The following AQR variants were observed in gnomAD, a reference collection of about 807,000 sequenced individuals.
AQR encodes the protein aquarius intron-binding spliceosomal factor, also known as RNA helicase aquarius.
Under a neutral mutation model 180.5 loss-of-function variants are expected in AQR, and 61 were observed. The observed-to-expected ratio is 0.34, with a 90% CI of 0.28 to 0.42. The LOEUF is 0.42. Ranked by LOEUF, AQR falls within the 10% of genes least tolerant of loss-of-function variation. AQR has a pLI of 1.00. For missense variants in AQR, 1,281 were observed against 1,798.3 expected (o/e 0.71, Z 5.20); for synonymous variants, 551 against 588.8 (o/e 0.94, Z 0.93).
chr15:34,943,661 G>T (rs1255594533), intron 6 of AQR, among the ~76,000 whole-genome samples: 3 of 152,008 alleles, frequency 2.0e-5, no homozygotes, highest in Non-Finnish European at 2.9e-5. Flanking sequence ...GGGTGTAAGT[G>T]AATTATCAAT....
In AQR at chr15:34,906,718, A is replaced by G. The variant is rs375575125; in HGVS notation, c.1664-6T>C. ...TACATCATGCTTACGAAGACCTGGT[A>G]AGATATAAAGACATTTTCATTTATT... is the stretch of plus-strand genomic sequence containing the variant. On this transcript the variant is annotated splice_region_variant and splice_polypyrimidine_tract_variant and intron_variant, in intron 17 of 34. Coordinates refer to ENST00000156471, the MANE Select transcript of AQR (RefSeq NM_014691.3). 5.6e-6 allele frequency: 9 copies of G among 1,600,572 alleles called. No homozygotes were observed. Among genetic ancestry groups the G allele is most frequent in the Non-Finnish European group, 7.7e-6 (9 of 1,174,662 alleles).
chr15:34,899,669 C>T (rs1351259897), intron 20 of AQR, among the ~76,000 whole-genome samples: 1 of 150,168 alleles, frequency 6.7e-6, no homozygotes, highest in African/African-American at 2.5e-5. Context: ...CCACACCTGG[C>T]CTATTATTAT....
intron 33 of AQR, among the ~76,000 whole-genome samples, chr15:34,861,916 T>C (rs1309221412): frequency 6.6e-6 from 1 of 151,914 alleles, no homozygotes; most frequent in African/African-American, 2.4e-5. Flanking sequence ...TCTAAAATAA[T>C]GTTATTTAAA....
In AQR at chr15:34,896,912, C is replaced by T; in HGVS notation, c.2445G>A (p.Gln815=). The part of the protein sequence containing the change: ...TQIEAIRAGM[Q]PGLTMVVGPP... ...ATTCTCTTACCATAGTCAGCCCAGGCTGCATTCCAGCACGGATGGCTTCTA... is the reference window on the plus strand; with the variant it reads ...ATTCTCTTACCATAGTCAGCCCAGGTTGCATTCCAGCACGGATGGCTTCTA... The change falls in exon 22 of 35, where the codon CAG becomes CAA. Residue 815 remains glutamine (Q), a synonymous_variant. Coordinates refer to ENST00000156471, the MANE Select transcript of AQR (RefSeq NM_014691.3). 1 of 1,612,414 alleles carries T rather than the reference C, an allele frequency of 6.2e-7. No homozygotes were observed. Among genetic ancestry groups the T allele is most frequent in the Middle Eastern group, 1.6e-4 (1 of 6,062 alleles).
chr15:34,955,961 T>C (rs185915186), intron 3 of AQR, among the ~76,000 whole-genome samples: 1 of 151,554 alleles, frequency 6.6e-6, no homozygotes, highest in Admixed American at 6.6e-5. Flanking sequence ...AGTGTGTGAT[T>C]CTATTTATTT....
intron 16 of AQR, among the ~76,000 whole-genome samples, chr15:34,911,394 T>C (rs757599719): frequency 6.6e-6 from 1 of 152,218 alleles, no homozygotes; most frequent in Non-Finnish European, 1.5e-5. Flanking sequence ...GCTGCACTAA[T>C]TGACATTCCC....
chr15:34,969,354 G>A (rs2050331336), intron 1 of AQR, among the ~76,000 whole-genome samples, 185 bp downstream of exon 1: 1 of 152,044 alleles, frequency 6.6e-6, no homozygotes, highest in Non-Finnish European at 1.5e-5. Flanking sequence ...CTTTCACCAC[G>A]GTATGCCCAG....
chr15:34,940,747 T>A (rs911213072), intron 8 of AQR, 152 bp downstream of exon 8: 1 of 653,118 alleles, frequency 1.5e-6, no homozygotes, highest in Non-Finnish European at 2.6e-6. Flanking sequence ...TTGTGGAAAA[T>A]ATTCTTAATG....
At chr15:34,890,813 T>TA (rs1396331272) in intron 23 of AQR, among the ~76,000 whole-genome samples, 2 of 152,310 alleles carry the variant, frequency 1.3e-5, no homozygotes, top group African/African-American at 4.8e-5. Context: ...CTCAATATAA[T>TA]AAAGAGCAGA....
At chr15:34,939,843 C>G (rs1893997140) in intron 8 of AQR, among the ~76,000 whole-genome samples, 1 of 152,242 alleles carries the variant, frequency 6.6e-6, no homozygotes, top group Non-Finnish European at 1.5e-5. Context: ...ATATTGATAA[C>G]AGTCCTCGGA....
At chr15:34,879,552 T>C (rs1892938930) in intron 27 of AQR, among the ~76,000 whole-genome samples, 1 of 152,200 alleles carries the variant, frequency 6.6e-6, no homozygotes, top group African/African-American at 2.4e-5. Context: ...AAAGCCAGCA[T>C]GGGGACATAG....
At chr15:34,884,778 T>A in intron 25 of AQR, 44 bp from the exon 26 acceptor site, 1 of 1,408,848 alleles carries the variant, frequency 7.1e-7, no homozygotes, top group Non-Finnish European at 9.8e-7. Context: ...CTAATTATGA[T>A]GTTTTAAAGC....
chr15:34,934,682 T>C (rs1893920814), intron 9 of AQR, 47 bp from the exon 10 acceptor site: 3 of 1,327,880 alleles, frequency 2.3e-6, no homozygotes, highest in Non-Finnish European at 3.1e-6. Flanking sequence ...ACTAGGCCAT[T>C]TTGCATGCTG....
chr15:34,852,915 C>G lies in AQR; in HGVS notation c.*3877G>C, dbSNP rs1255943210. The G allele has an allele frequency of 6.6e-6, 1 of 152,210 alleles. No individual in the cohort carries two copies. The highest frequency in any genetic ancestry group is 2.4e-5 in the African/African-American group (1 of 41,452). 9.4% of individuals were successfully genotyped at this position (152,210 alleles called of 1,614,324 possible). A position where few individuals can be genotyped will look rare whatever the true frequency, so the allele number is the denominator to read the frequency against. ...TGAATAAAGCTGGCACACTGTCAGT[C>G]CGGAGTACCATGCTGCATTCTGAGT... is the stretch of plus-strand genomic sequence containing the variant. On this transcript the variant is annotated 3_prime_UTR_variant, in exon 35 of 35. Coordinates refer to ENST00000156471, the MANE Select transcript of AQR (RefSeq NM_014691.3).
intron 4 of AQR, among the ~76,000 whole-genome samples, chr15:34,952,100 G>A (rs1356076110): frequency 6.6e-6 from 1 of 152,218 alleles, no homozygotes; most frequent in Non-Finnish European, 1.5e-5. Flanking sequence ...AAATGTGTAT[G>A]TAGGAGTAAC....
At position 34,856,288 on chromosome 15, in the gene AQR, T is replaced by A. The variant is rs1016271562; in HGVS notation, c.*504A>T. Reference sequence around the variant, plus strand: ...AAGGAAATGCATGTAACCACTTTGATAGATTGAAGAAACCTGTATCTTACT... The same window carrying A: ...AAGGAAATGCATGTAACCACTTTGAAAGATTGAAGAAACCTGTATCTTACT... On this transcript the variant is annotated 3_prime_UTR_variant, in exon 35 of 35. Coordinates refer to ENST00000156471, the MANE Select transcript of AQR (RefSeq NM_014691.3). The A allele has an allele frequency of 1.7e-5, 6 of 348,182 alleles. No individual in the cohort carries two copies. In the East Asian group the frequency reaches 2.5e-4, roughly 15 times the overall value. 21.6% of individuals were successfully genotyped at this position (348,182 alleles called of 1,614,324 possible).
intron 6 of AQR, chr15:34,943,133 C>A (rs930659199): frequency 1.2e-6 from 2 of 1,611,550 alleles, no homozygotes; most frequent in Admixed American, 1.7e-5. Context: ...GTGGCAAGCA[C>A]CAACCCCATA....
At chr15:34,918,491 ATT>A (rs954654025) in intron 14 of AQR, 113 bp from the exon 15 acceptor site, 7 of 1,258,684 alleles carry the variant, frequency 5.6e-6, no homozygotes, top group Non-Finnish European at 7.5e-6. Context: ...TCAACAAGCG[ATT>A]TTTTTTTCTT....
At chr15:34,876,440 C>G (rs1330595608) in intron 27 of AQR, among the ~76,000 whole-genome samples, 1 of 152,060 alleles carries the variant, frequency 6.6e-6, no homozygotes, top group Non-Finnish European at 1.5e-5. Context: ...CCCATCACAA[C>G]AATTCACTTC....
Sources: allele counts gnomAD v4.1 joint callset (sites outside exome capture counted in the v4.1 genomes callset), GRCh38; gene constraint gnomAD v4.1.1; transcripts MANE v1.5; gene names NCBI Gene and HGNC (gene_info 2026-07-23, HGNC 2026-07-21).